Variants in LAIR1 observed in about 807,000 individuals in gnomAD.
LAIR1 encodes leukocyte-associated immunoglobulin-like receptor 1.
In LAIR1, 24 loss-of-function variants were observed where a neutral mutation model predicts 32.8. That is an observed-to-expected ratio of 0.73 (90% CI 0.53 to 1.03). The LOEUF is 1.03. LAIR1 is among the 50% of genes least tolerant of loss of function. The pLI, the probability that LAIR1 is intolerant of heterozygous loss-of-function variation, is 0.00. For synonymous variants in LAIR1, 150 were observed against 140.5 expected, an observed-to-expected ratio of 1.07 and a Z score of -0.48; for missense variants, 355 against 347.5, an observed-to-expected ratio of 1.02 and a Z score of -0.17.
chr19:54,375,757 C>A, the LAIR1 span, among the ~76,000 whole-genome samples: 5,583 of 151,722 alleles, frequency 0.037, 464 homozygotes, highest in African/African-American at 0.13. Context: ...CGTTTCCAGG[C>A]GCCTATTAAG....
rs1364380186 is a variant in LAIR1 at position 54,360,721 on chromosome 19, AG to A, written c.364+194del. 6 of 597,522 alleles carry A rather than the reference AG, an allele frequency of 1.0e-5. No homozygotes were observed. In the East Asian group the frequency reaches 1.7e-4, roughly 17 times the overall value. 37.0% of individuals were successfully genotyped at this position (597,522 alleles called of 1,614,324 possible). ...CCATCCGTGGCGTCCAGAGGAGACC[AG>A]GGCTCCAGGAACCTAAGCAGGTGTG... On this transcript the variant is annotated intron_variant, in intron 3 of 9. Coordinates refer to ENST00000391742, the MANE Select transcript of LAIR1 (RefSeq NM_002287.6).
At chr19:54,368,704 T>C (rs572856560), upstream of LAIR1, 39 of 152,120 alleles carry the variant, frequency 2.6e-4, no homozygotes, top group African/African-American at 9.4e-4. Context: ...TTTATTTATT[T>C]ATTTATATAT....
Position 54,364,018 on chromosome 19 carries a change from A to G in LAIR1, c.70+277T>C, listed in dbSNP as rs1351464913. 2.0e-5 allele frequency among the ~76,000 whole-genome samples: 3 copies of G among 152,162 alleles called. No homozygotes were observed. The highest frequency in any genetic ancestry group is 6.5e-5 in the Admixed American group (1 of 15,280). On this transcript the variant is annotated intron_variant, in intron 2 of 9. Transcript: ENST00000391742. This position sits in a 1 kb window ranked among gnomAD's most constrained non-coding sequence, Gnocchi z 4.8. ...TATTTAATCTTTCCACAATGTGTAC[A>G]TACGTCATAATATCACACTGTACCC...
exon 1 of LAIR1, chr19:54,370,285 C>T (rs1230349782): frequency 7.8e-6 from 12 of 1,544,482 alleles, no homozygotes; most frequent in East Asian, 2.4e-5. Context: ...CATCTTCTGT[C>T]GCGGATGCAA....
In LAIR1 at chr19:54,361,117, C is replaced by A. The variant is rs1178762265; in HGVS notation, c.163G>T (p.Val55Phe). 1 of 1,614,140 alleles carries A rather than the reference C, an allele frequency of 6.2e-7. No homozygotes were observed. The change falls in exon 3 of 10, where the codon GTT becomes TTT. Residue 55 changes from valine to phenylalanine, a missense_variant. Physicochemically the swap from Val to Phe is conservative, Grantham distance 50. Transcript: ENST00000391742. The part of the protein sequence containing the change: ...VTFVCRGPVG[V>F]QTFRLERDSR... ...TCCCTCTCCAGGCGGAATGTTTGAA[C>A]CCCAACCGGGCCCCGGCACACGAAA...
Position 54,355,398 on chromosome 19 carries a change from C to T in LAIR1, c.734G>A (p.Ser245Asn), listed in dbSNP as rs146736409. 18 of 1,608,000 alleles carry T rather than the reference C, an allele frequency of 1.1e-5. No individual in the cohort carries two copies. The African/African-American group carries it at 2.4e-4, about 22-fold the overall frequency. The change falls in exon 10 of 10, where the codon AGT becomes AAT. Residue 245 changes from serine to asparagine, a missense_variant. Physicochemically the swap from Ser to Asn is conservative, Grantham distance 46. Transcript: ENST00000391742. The surrounding 1 kb of genome is among the most constrained non-coding windows in gnomAD (Gnocchi z 4.7). ...CTGAGCATACGTCACCTCCTGGGAA[C>T]TCCCTGCAGCCAGGGCCTAAGAGGG... ...ETDTSALAAG[S>N]SQEVTYAQLD...
upstream of LAIR1, among the ~76,000 whole-genome samples, chr19:54,375,005 C>A (rs2082476644): frequency 6.6e-6 from 1 of 152,096 alleles, no homozygotes; most frequent in African/African-American, 2.4e-5. Context: ...CTCCTGTGTC[C>A]AGGTCCTGTG....
chr19:54,372,283 A>T (rs1399673896), upstream of LAIR1, among the ~76,000 whole-genome samples: 1 of 151,480 alleles, frequency 6.6e-6, no homozygotes, highest in East Asian at 1.9e-4. Context: ...CATCCTCGCC[A>T]GTAGGCCAGT....
chr19:54,365,589 G>A (rs1015405110), upstream of LAIR1, among the ~76,000 whole-genome samples: 10 of 152,114 alleles, frequency 6.6e-5, no homozygotes, highest in African/African-American at 2.2e-4. Flanking sequence ...CCATAAATTC[G>A]AGACCAGCCT....
rs922487268 is a variant in LAIR1, at chr19:54,355,693, G to A, written c.717+261C>T. Among the ~76,000 whole-genome samples the A allele has an allele frequency of 5.3e-5, 8 of 152,192 alleles. No individual in the cohort carries two copies. The highest frequency in any genetic ancestry group is 2.6e-4 in the Admixed American group (4 of 15,280). On this transcript the variant is annotated intron_variant, in intron 9 of 9. Transcript: ENST00000391742. This position sits in a 1 kb window ranked among gnomAD's most constrained non-coding sequence, Gnocchi z 4.7. Reference sequence around the variant, plus strand: ...TGGATCCCTCCCTCTGGGGGAAGCCGGCTGTGTGGAGAGGCCCCTGTGAGA... The same window carrying A: ...TGGATCCCTCCCTCTGGGGGAAGCCAGCTGTGTGGAGAGGCCCCTGTGAGA...
upstream of LAIR1, among the ~76,000 whole-genome samples, chr19:54,374,999 T>C (rs899637124): frequency 2.6e-5 from 4 of 152,088 alleles, no homozygotes. Context: ...CTGACCCTCC[T>C]GTGTCCAGGT....
In LAIR1 at chr19:54,352,366, G is replaced by A. The variant is rs1427146111; in HGVS notation, c.*2902C>T. On this transcript the variant is annotated 3_prime_UTR_variant, in exon 10 of 10. Transcript: ENST00000391742. Reference sequence around the variant, plus strand: ...GAATTAAACATGGCTCTTCCCCCAGGTGGTGCTTGGGGGCCCGTGCAGCAG... The same window carrying A: ...GAATTAAACATGGCTCTTCCCCCAGATGGTGCTTGGGGGCCCGTGCAGCAG... The A allele has an allele frequency of 6.5e-6, 1 of 153,808 alleles. No homozygotes were observed. The highest frequency in any genetic ancestry group is 1.9e-4 in the East Asian group (1 of 5,200). The allele number at this position is 153,808 out of a possible 1,614,324, so 9.5% of individuals were successfully genotyped here.
upstream of LAIR1, among the ~76,000 whole-genome samples, chr19:54,366,058 C>G (rs2082242987): frequency 6.6e-6 from 1 of 152,126 alleles, no homozygotes; most frequent in Non-Finnish European, 1.5e-5. Flanking sequence ...TACAGGAGAT[C>G]TGCAAAGTCA....
upstream of LAIR1, among the ~76,000 whole-genome samples, chr19:54,365,921 C>T (rs905681736): frequency 1.3e-5 from 2 of 152,156 alleles, no homozygotes; most frequent in African/African-American, 4.8e-5. Flanking sequence ...GTGGTGCACA[C>T]ACAGGGGAAT....
At chr19:54,361,583 T>C (rs921679176) in intron 2 of LAIR1, among the ~76,000 whole-genome samples, 10 of 148,990 alleles carry the variant, frequency 6.7e-5, no homozygotes, top group African/African-American at 2.2e-4. Flanking sequence ...GGGTCATTGG[T>C]GAAGGACAAG....
At chr19:54,370,945 G>A (rs912050088), upstream of LAIR1, among the ~76,000 whole-genome samples, 9 of 150,384 alleles carry the variant, frequency 6.0e-5, no homozygotes, top group South Asian at 2.1e-4. Context: ...GCTACACGTC[G>A]GGGTTGTTTT....
rs2081547972 is a variant in LAIR1 at position 54,352,356 on chromosome 19, C to T, written c.*2912G>A. 6.5e-6 allele frequency: 1 copy of T among 153,858 alleles called. No homozygotes were observed. 9.5% of individuals were successfully genotyped at this position (153,858 alleles called of 1,614,324 possible). On this transcript the variant is annotated 3_prime_UTR_variant, in exon 10 of 10. Transcript: ENST00000391742. ...ACTGCCAGGTGAATTAAACATGGCT[C>T]TTCCCCCAGGTGGTGCTTGGGGGCC...
intron 2 of LAIR1, among the ~76,000 whole-genome samples, chr19:54,362,791 G>A (rs1013200508): frequency 2.0e-5 from 3 of 152,064 alleles, no homozygotes; most frequent in East Asian, 3.9e-4. Context: ...CAGCCTCATT[G>A]GTCATTTTTA....
In LAIR1 at chr19:54,364,148, A is replaced by G. The variant is rs1226218319; in HGVS notation, c.70+147T>C. On this transcript the variant is annotated intron_variant, in intron 2 of 9. Transcript: ENST00000391742. This position sits in a 1 kb window ranked among gnomAD's most constrained non-coding sequence, Gnocchi z 4.8. Reference sequence around the variant, plus strand: ...AGAGAGAACTGGGTGAGGGTTGGTTATGCATTTTACATTTGGAAGAGTTTG... The same window carrying G: ...AGAGAGAACTGGGTGAGGGTTGGTTGTGCATTTTACATTTGGAAGAGTTTG... The G allele has an allele frequency of 3.0e-6, 3 of 995,884 alleles. No homozygotes were observed. 61.7% of individuals were successfully genotyped at this position (995,884 alleles called of 1,614,324 possible).
Sources: gnomAD v4.1 joint callset for allele counts (sites outside exome capture counted in the v4.1 genomes callset) on GRCh38, gnomAD v4.1.1 for gene constraint, Gnocchi (gnomAD v3.1) non-coding constraint, MANE v1.5 for transcripts, NCBI Gene and HGNC (gene_info 2026-07-23, HGNC 2026-07-21) for gene names.